Variants in DGKI observed in about 807,000 individuals in gnomAD.
DGKI encodes DAG kinase iota.
Under a neutral mutation model 147.5 loss-of-function variants are expected in DGKI, and 55 were observed. That is an observed-to-expected ratio of 0.37 (90% CI 0.30 to 0.47). DGKI has a LOEUF of 0.47. DGKI is among the 20% of genes least tolerant of loss of function. DGKI has a pLI of 1.00. For synonymous variants in DGKI, 469 were observed against 477.1 expected (o/e 0.98, Z 0.22); for missense variants, 1,007 against 1,323.8 (o/e 0.76, Z 3.71).
intron 28 of DGKI, among the ~76,000 whole-genome samples, chr7:137,412,506 G>A (rs899679422): frequency 8.5e-5 from 13 of 152,090 alleles, no homozygotes; most frequent in Non-Finnish European, 1.2e-4. Context: ...TTAAGCAGTA[G>A]GACACTGGGC....
chr7:137,773,195 T>C (rs1796261261), intron 1 of DGKI, among the ~76,000 whole-genome samples: 1 of 152,144 alleles, frequency 6.6e-6, no homozygotes, highest in Non-Finnish European at 1.5e-5. Flanking sequence ...CAAAATCCCT[T>C]GGAATTATTT....
At chr7:137,541,188 G>T (rs1475570990) in intron 20 of DGKI, among the ~76,000 whole-genome samples, 1 of 152,140 alleles carries the variant, frequency 6.6e-6, no homozygotes, top group African/African-American at 2.4e-5. Context: ...AAAGGCATAA[G>T]CCATAGGTCA....
chr7:137,490,973 A>C (rs1175304934), intron 21 of DGKI, among the ~76,000 whole-genome samples: 1 of 152,244 alleles, frequency 6.6e-6, no homozygotes, highest in Non-Finnish European at 1.5e-5. Flanking sequence ...CTCTCACCAG[A>C]AATACTACTA....
chr7:137,503,384 C>T (rs1816252125), intron 21 of DGKI, among the ~76,000 whole-genome samples: 1 of 152,138 alleles, frequency 6.6e-6, no homozygotes, highest in East Asian at 1.9e-4. Flanking sequence ...ACAGAATTTC[C>T]AATACTGAAC....
intron 6 of DGKI, among the ~76,000 whole-genome samples, chr7:137,629,679 T>C (rs1285426502): frequency 6.6e-6 from 1 of 152,206 alleles, no homozygotes; most frequent in Non-Finnish European, 1.5e-5. Flanking sequence ...ATCCAGAGTG[T>C]AGCCTTCAGT....
intron 1 of DGKI, among the ~76,000 whole-genome samples, chr7:137,740,025 C>T (rs2059320): frequency 0.23 from 34,225 of 152,072 alleles, 6,954 homozygotes; most frequent in African/African-American, 0.54. Flanking sequence ...AGACTATCAA[C>T]CTCACTCTGT....
chr7:137,498,594 T>C (rs1346818001), intron 21 of DGKI, among the ~76,000 whole-genome samples: 2 of 152,104 alleles, frequency 1.3e-5, no homozygotes, highest in African/African-American at 4.8e-5. Flanking sequence ...TTTGAACTTC[T>C]CAAAGGCAAC....
chr7:137,565,351 A>C (rs1259367501), intron 19 of DGKI, among the ~76,000 whole-genome samples: 1 of 152,188 alleles, frequency 6.6e-6, no homozygotes, highest in Non-Finnish European at 1.5e-5. Context: ...TTATTTATTT[A>C]TGAGTCATAA....
intron 3 of DGKI, among the ~76,000 whole-genome samples, chr7:137,664,737 A>C (rs534352963): frequency 1.3e-5 from 2 of 152,330 alleles, no homozygotes; most frequent in East Asian, 3.9e-4. Context: ...CACCGTGCCC[A>C]GCCCTGAAAA....
At position 137,609,057 on chromosome 7, in the gene DGKI, T is replaced by C. The variant is rs1246222484; in HGVS notation, c.1076A>G (p.Asn359Ser). 3.1e-6 allele frequency: 5 copies of C among 1,613,070 alleles called. No homozygotes were observed. The South Asian group carries it at 5.5e-5, about 18-fold the overall frequency. ...KASKRGMEQENKGRPFVIKPI... is the reference protein window; with the variant it reads ...KASKRGMEQESKGRPFVIKPI... ...TTTTATCACAAAAGGACGACCTTTG[T>C]TTTCCTGCTGAAAGAAGCAATCAGC... Residue 359 changes from asparagine (N) to serine (S), a missense_variant, in exon 10 of 33, where the codon AAC becomes AGC. By Grantham distance (46) the Asn-to-Ser change is conservative. Coordinates refer to ENST00000614521, the MANE Select transcript of DGKI (RefSeq NM_001321708.2).
intron 14 of DGKI, among the ~76,000 whole-genome samples, chr7:137,582,308 G>T (rs979663974): frequency 8.6e-5 from 13 of 151,996 alleles, no homozygotes; most frequent in African/African-American, 3.1e-4. Flanking sequence ...TAAAGATAAT[G>T]TCTAACCAAC....
intron 1 of DGKI, among the ~76,000 whole-genome samples, chr7:137,822,592 C>T (rs1463488062): frequency 6.6e-6 from 1 of 152,110 alleles, no homozygotes; most frequent in Non-Finnish European, 1.5e-5. Context: ...CACCGAGCTT[C>T]CATTCAGCCT....
intron 8 of DGKI, among the ~76,000 whole-genome samples, chr7:137,613,475 A>G (rs1334156001): frequency 6.6e-6 from 1 of 152,116 alleles, no homozygotes; most frequent in African/African-American, 2.4e-5. Flanking sequence ...GAATTCACCA[A>G]AGGAAATGGT....
At chr7:137,721,684 G>A (rs1585408718) in intron 1 of DGKI, among the ~76,000 whole-genome samples, 1 of 152,128 alleles carries the variant, frequency 6.6e-6, no homozygotes, top group South Asian at 2.1e-4. Flanking sequence ...ACCATTTAAT[G>A]TTTCCCTTTG....
Position 137,472,327 on chromosome 7 carries a change from ATGTATATATACATATAATTATT to A in DGKI, c.2374-2730_2374-2709del, listed in dbSNP as rs1243306638. 2.7e-3 allele frequency among the ~76,000 whole-genome samples: 295 copies of A among 107,440 alleles called. 50 individuals carry two copies. The highest frequency in any genetic ancestry group is 0.012 in the African/African-American group (275 of 22,712). 70.5% of individuals were successfully genotyped at this position (107,440 alleles called of 152,430 possible). A position where few individuals can be genotyped will look rare whatever the true frequency, so the allele number is the denominator to read the frequency against. On this transcript the variant is annotated intron_variant, in intron 23 of 32. Coordinates refer to ENST00000614521, the MANE Select transcript of DGKI (RefSeq NM_001321708.2). ...ATGTGTATATACATATAATTATTAT[ATGTATATATACATATAATTATT>A]ATATGTATATATACATATAATTATT...
At chr7:137,613,999 T>C (rs1181287719) in intron 8 of DGKI, among the ~76,000 whole-genome samples, 1 of 152,200 alleles carries the variant, frequency 6.6e-6, no homozygotes, top group East Asian at 1.9e-4. Context: ...TCATTTTAAA[T>C]GCTGGTGAAA....
intron 21 of DGKI, among the ~76,000 whole-genome samples, chr7:137,504,278 T>G (rs1816289008): frequency 6.6e-6 from 1 of 152,224 alleles, no homozygotes; most frequent in South Asian, 2.1e-4. Context: ...GTGACATTGC[T>G]GTTACAGTGC....
At chr7:137,585,387 A>G (rs746148702) in intron 13 of DGKI, 41 bp from the exon 14 acceptor site, 1 of 1,593,150 alleles carries the variant, frequency 6.3e-7, no homozygotes, top group Non-Finnish European at 8.6e-7. Flanking sequence ...TCCAGAGTGG[A>G]GAACAGTGAA....
At chr7:137,538,048 A>G (rs1203775080) in intron 20 of DGKI, among the ~76,000 whole-genome samples, 1 of 152,228 alleles carries the variant, frequency 6.6e-6, no homozygotes, top group Non-Finnish European at 1.5e-5. Flanking sequence ...ATGTTAGAAC[A>G]AAAGTTTTGA....
Sources: allele counts gnomAD v4.1 joint callset (sites outside exome capture counted in the v4.1 genomes callset), GRCh38; gene constraint gnomAD v4.1.1; transcripts MANE v1.5; gene names NCBI Gene and HGNC (gene_info 2026-07-23, HGNC 2026-07-21).